The following DLG2 variants were observed in gnomAD, a reference collection of about 807,000 sequenced individuals.
DLG2 encodes discs large MAGUK scaffold protein 2.
Under a neutral mutation model 132.5 loss-of-function variants are expected in DLG2, and 45 were observed. The observed-to-expected ratio is 0.34, with a 90% CI of 0.27 to 0.44. The LOEUF (loss-of-function observed/expected upper bound fraction) is 0.44. DLG2 is among the 20% of genes least tolerant of loss of function. The pLI is 1.00. For missense variants in DLG2, 1,045 were observed against 1,196.9 expected (o/e 0.87, Z 1.87); for synonymous variants, 424 against 419.6 (o/e 1.01, Z -0.13).
intron 6 of DLG2, among the ~76,000 whole-genome samples, chr11:84,928,463 C>T (rs1040116148): frequency 7.9e-5 from 12 of 151,838 alleles, no homozygotes; most frequent in African/African-American, 2.9e-4. Context: ...GTCCCATTAC[C>T]TAGAACATGG....
intron 3 of DLG2, among the ~76,000 whole-genome samples, chr11:85,465,461 C>G (rs1391055633): frequency 6.6e-6 from 1 of 152,086 alleles, no homozygotes; most frequent in East Asian, 1.9e-4. Context: ...CCCGCTCCCC[C>G]CACCCCACAA....
chr11:85,295,934 GCA>G (rs1019462642), intron 3 of DLG2, among the ~76,000 whole-genome samples: 4 of 152,124 alleles, frequency 2.6e-5, no homozygotes, highest in African/African-American at 9.7e-5. Flanking sequence ...GAATGCTTAT[GCA>G]CAGAAGTAGC....
intron 7 of DLG2, among the ~76,000 whole-genome samples, chr11:84,308,994 G>A (rs1567244615): frequency 6.6e-6 from 1 of 152,200 alleles, no homozygotes; most frequent in South Asian, 2.1e-4. Context: ...ACAGTGCAGC[G>A]GCGGGCTGAA....
At chr11:85,244,584 C>T (rs775421486) in intron 4 of DLG2, among the ~76,000 whole-genome samples, 1 of 151,886 alleles carries the variant, frequency 6.6e-6, no homozygotes, top group Non-Finnish European at 1.5e-5. Context: ...TCATCTTAAT[C>T]AGATTGCTAT....
At chr11:85,461,512 A>G (rs1279898653) in intron 3 of DLG2, among the ~76,000 whole-genome samples, 2 of 152,350 alleles carry the variant, frequency 1.3e-5, no homozygotes, top group East Asian at 3.9e-4. Flanking sequence ...TGGAGTATAT[A>G]CTGTAGCAAT....
intron 11 of DLG2, among the ~76,000 whole-genome samples, chr11:84,005,509 A>C (rs1321810926): frequency 6.6e-6 from 1 of 151,850 alleles, no homozygotes; most frequent in Non-Finnish European, 1.5e-5. Context: ...GGACTATATT[A>C]AACTTCTGCA....
At chr11:84,887,550 C>T (rs1276788201) in intron 6 of DLG2, 2 of 152,074 alleles carry the variant, frequency 1.3e-5, no homozygotes, top group African/African-American at 4.8e-5. Context: ...TGTCAGTTTC[C>T]ACTGGTGACA....
intron 26 of DLG2, among the ~76,000 whole-genome samples, chr11:83,466,073 A>G (rs546945835): frequency 6.6e-6 from 1 of 152,344 alleles, no homozygotes; most frequent in Non-Finnish European, 1.5e-5. Context: ...CCCTGAGTGC[A>G]CAGGTATGAA....
rs74700752 is a variant in DLG2, at chr11:83,717,479, T to G, written c.1825+69211A>C. The stretch of plus-strand genomic sequence containing the variant: ...GAGTAGCTGAAGGTTTTGTAGGGGC[T>G]TAGTCACATAGTCCAGTAGTAATAG... On this transcript the variant is annotated intron_variant, in intron 18 of 27. Coordinates refer to ENST00000376104, the MANE Select transcript of DLG2 (RefSeq NM_001142699.3). Among the ~76,000 whole-genome samples the G allele has an allele frequency of 2.3e-3, 346 of 152,328 alleles. 4 individuals are homozygous for G. The highest frequency in any genetic ancestry group is 7.8e-3 in the African/African-American group (326 of 41,582).
At chr11:84,488,361 C>T (rs980024348) in intron 7 of DLG2, among the ~76,000 whole-genome samples, 2 of 152,038 alleles carry the variant, frequency 1.3e-5, no homozygotes, top group Admixed American at 1.3e-4. Flanking sequence ...GTAAGATGAC[C>T]TCCAGATCTT....
chr11:84,299,087 G>A (rs2098124900), intron 7 of DLG2, among the ~76,000 whole-genome samples: 1 of 152,194 alleles, frequency 6.6e-6, no homozygotes, highest in South Asian at 2.1e-4. Context: ...GTCTCTTGGA[G>A]ATATAAGCCC....
At chr11:85,614,276 T>C (rs2081195722) in intron 2 of DLG2, among the ~76,000 whole-genome samples, 1 of 151,916 alleles carries the variant, frequency 6.6e-6, no homozygotes, top group Admixed American at 6.6e-5. Context: ...GAGAAAGTAA[T>C]AAAGTAATGA....
chr11:84,580,989 C>A (rs1476657356), intron 6 of DLG2, among the ~76,000 whole-genome samples: 1 of 152,188 alleles, frequency 6.6e-6, no homozygotes, highest in African/African-American at 2.4e-5. Flanking sequence ...GAAGTGCTAA[C>A]ACCAGTTAAT....
chr11:83,504,137 G>T (rs2094580382), intron 21 of DLG2, among the ~76,000 whole-genome samples: 1 of 152,188 alleles, frequency 6.6e-6, no homozygotes, highest in South Asian at 2.1e-4. Flanking sequence ...AACAAAAGAA[G>T]GAGGAAATCC....
intron 6 of DLG2, among the ~76,000 whole-genome samples, chr11:84,993,188 C>T (rs1220685081): frequency 6.6e-6 from 1 of 152,152 alleles, no homozygotes; most frequent in Non-Finnish European, 1.5e-5. Context: ...CACACATTCT[C>T]ACTCATAAGT....
chr11:83,883,892 T>C (rs139541679), intron 15 of DLG2, among the ~76,000 whole-genome samples: 1,541 of 152,104 alleles, frequency 0.01, 96 homozygotes, highest in Admixed American at 0.09. Context: ...AGGTATTAGA[T>C]AGTTCCATAA....
intron 12 of DLG2, among the ~76,000 whole-genome samples, chr11:83,973,048 G>A (rs1042223687): frequency 1.1e-4 from 16 of 152,090 alleles, no homozygotes; most frequent in African/African-American, 3.9e-4. Flanking sequence ...AAAATGGACA[G>A]TATGATATGA....
intron 3 of DLG2, among the ~76,000 whole-genome samples, chr11:85,308,026 A>T (rs572458193): frequency 1.5e-4 from 23 of 151,998 alleles, no homozygotes; most frequent in African/African-American, 4.3e-4. Flanking sequence ...GTGGTGGCAC[A>T]TGCCTCTAAT....
At position 85,175,031 on chromosome 11, in the gene DLG2, C is replaced by A. The variant is rs1304302567; in HGVS notation, c.187-20380G>T. 2.6e-5 allele frequency among the ~76,000 whole-genome samples: 4 copies of A among 152,180 alleles called. No homozygotes were observed. The East Asian group carries it at 7.7e-4, about 29-fold the overall frequency. On this transcript the variant is annotated intron_variant, in intron 4 of 27. Coordinates refer to ENST00000376104, the MANE Select transcript of DLG2 (RefSeq NM_001142699.3). ...AGATAAATTTACAGCTGAATTCTAC[C>A]AGAGGTACAAAGAAAATCTGGTACC... is the stretch of plus-strand genomic sequence containing the variant.
Sources: gnomAD v4.1 joint callset for allele counts (sites outside exome capture counted in the v4.1 genomes callset) on GRCh38, gnomAD v4.1.1 for gene constraint, MANE v1.5 for transcripts, NCBI Gene and HGNC (gene_info 2026-07-23, HGNC 2026-07-21) for gene names.